RADIL: variants seen among roughly 807,000 people sequenced by gnomAD.
RADIL encodes the protein ras-associating and dilute domain-containing protein.
Under a neutral mutation model 97.6 loss-of-function variants are expected in RADIL, and 99 were observed. The ratio of observed to expected loss-of-function variants is 1.01; its 90% confidence interval spans 0.86 to 1.20. RADIL has a LOEUF of 1.20. Ranked by LOEUF, RADIL falls within the 50% of genes most tolerant of loss-of-function variation. The probability of loss-of-function intolerance (pLI) is 0.00; values close to 1 mark genes in which losing one functional copy is unlikely to be tolerated. For synonymous variants in RADIL, 803 were observed against 691.8 expected (o/e 1.16, Z -2.52); for missense variants, 1,765 against 1,498.9 (o/e 1.18, Z -2.93).
intron 2 of RADIL, among the ~76,000 whole-genome samples, chr7:4,870,473 G>A (rs1041133317): frequency 8.6e-5 from 13 of 152,012 alleles, no homozygotes; most frequent in Admixed American, 6.5e-5. Context: ...ATGGAGTCTC[G>A]CTCTCTTGCC....
chr7:4,834,947 G>A lies in RADIL; in HGVS notation c.1076C>T (p.Ala359Val), dbSNP rs748222975. 4 of 1,603,180 alleles carry A rather than the reference G, an allele frequency of 2.5e-6. No individual in the cohort carries two copies. The highest frequency in any genetic ancestry group is 3.4e-6 in the Non-Finnish European group (4 of 1,175,596). The change falls in exon 4 of 15, where the codon GCG (alanine) becomes GTG (valine). Residue 359 changes from alanine to valine, a missense_variant. Ala to Val is a moderately conservative substitution (Grantham distance 64). Coordinates refer to ENST00000399583, the MANE Select transcript of RADIL (RefSeq NM_018059.5). The surrounding 1 kb of genome is among the most constrained non-coding windows in gnomAD (Gnocchi z 6.0). ...LYYLLLFKDP[A>V]QAQPLPARAL... ...CCGGGCGGGCAGGGGCTGGGCCTGC[G>A]CGGGGTCCTTGAATAGCAGCAGGTA...
At chr7:4,807,966 CT>C (rs1782388820) in intron 9 of RADIL, among the ~76,000 whole-genome samples, 1 of 67,524 alleles carries the variant, frequency 1.5e-5, no homozygotes, top group African/African-American at 1.3e-4. Flanking sequence ...TGTCTCTCTC[CT>C]CTCCCTCCTC....
At position 4,815,054 on chromosome 7, in the gene RADIL, G is replaced by A. The variant is rs1696790695; in HGVS notation, c.2139+224C>T. On this transcript the variant is annotated intron_variant, in intron 9 of 14. Coordinates refer to ENST00000399583, the MANE Select transcript of RADIL (RefSeq NM_018059.5). The surrounding 1 kb of genome is among the most constrained non-coding windows in gnomAD (Gnocchi z 8.0). ...GCCATGTGGGGTAATACGGTCACAG[G>A]GTAAGACGGTCACGGGTCTCAGACA... Among the ~76,000 whole-genome samples, 1 of 152,178 alleles carries A rather than the reference G, an allele frequency of 6.6e-6. No individual in the cohort carries two copies. Among genetic ancestry groups the A allele is most frequent in the African/African-American group, 2.4e-5 (1 of 41,428 alleles).
chr7:4,832,986 G>C (rs1285709383), intron 4 of RADIL, among the ~76,000 whole-genome samples: 5 of 152,298 alleles, frequency 3.3e-5, no homozygotes, highest in African/African-American at 1.2e-4. Context: ...GGGGGAAGAG[G>C]TGGACTCAGG....
At chr7:4,829,039 C>T (rs1783070893) in intron 5 of RADIL, among the ~76,000 whole-genome samples, 1 of 152,332 alleles carries the variant, frequency 6.6e-6, no homozygotes, top group Admixed American at 6.5e-5. Context: ...ACTAGAACTC[C>T]AGCTGTCCTG....
intron 2 of RADIL, among the ~76,000 whole-genome samples, chr7:4,844,081 T>A (rs1261358280): frequency 6.6e-6 from 1 of 152,004 alleles, no homozygotes; most frequent in East Asian, 1.9e-4. Context: ...TGTAACCACT[T>A]CTCTTCAAAT....
chr7:4,839,162 G>GT (rs1562445394), intron 2 of RADIL, among the ~76,000 whole-genome samples: 1 of 152,180 alleles, frequency 6.6e-6, no homozygotes, highest in East Asian at 1.9e-4. Flanking sequence ...CGTTGGCTCA[G>GT]TTTTTTTTAA....
At position 4,834,578 on chromosome 7, in the gene RADIL, A is replaced by G; in HGVS notation, c.1416+29T>C. The G allele has an allele frequency of 7.6e-7, 1 of 1,313,586 alleles. No homozygotes were observed. Among genetic ancestry groups the G allele is most frequent in the South Asian group, 3.1e-5 (1 of 32,678 alleles). 81.4% of individuals were successfully genotyped at this position (1,313,586 alleles called of 1,614,324 possible). A position where few individuals can be genotyped will look rare whatever the true frequency, so the allele number is the denominator to read the frequency against. ...CCCTCTTCCCCCAGACCGGCACAGG[A>G]CCCAGACCGCCCACCCCAGCACACT... On this transcript the variant is annotated intron_variant, in intron 4 of 14. Coordinates refer to ENST00000399583, the MANE Select transcript of RADIL (RefSeq NM_018059.5). The surrounding 1 kb of genome is among the most constrained non-coding windows in gnomAD (Gnocchi z 6.0).
At chr7:4,843,911 CA>C (rs36122253) in intron 2 of RADIL, among the ~76,000 whole-genome samples, 3,752 of 97,648 alleles carry the variant, frequency 0.038, 94 homozygotes, top group African/African-American at 0.13. Context: ...GACTCCATTT[CA>C]AAAAAAAAAA....
rs546511408 is a variant in RADIL, at chr7:4,831,020, C to CAA, written c.1454+1119_1454+1120dup. Among the ~76,000 whole-genome samples, 68 of 123,724 alleles carry CAA rather than the reference C, an allele frequency of 5.5e-4. 1 individual carries two copies. The highest frequency in any genetic ancestry group is 1.9e-3 in the African/African-American group (66 of 34,366). 81.2% of individuals were successfully genotyped at this position (123,724 alleles called of 152,430 possible). On this transcript the variant is annotated intron_variant, in intron 5 of 14. Coordinates refer to ENST00000399583, the MANE Select transcript of RADIL (RefSeq NM_018059.5). The stretch of plus-strand genomic sequence containing the variant: ...TGGGCGACAGAGCGAGATGCCGTTT[C>CAA]AAAAAAAAAAAAAATACAAAATCAG...
In RADIL at chr7:4,799,707, C is replaced by T. The variant is rs201509520; in HGVS notation, c.3045G>A (p.Ala1015=). ...CCCCCAGCGACAGGCGCCCGTCGGC[C>T]GCTGCGGGGCTGCCCGGGAGCAGGG... ...IQTLLPGSPA[A]ADGRLSLGDR... is the part of the protein sequence containing the mutation. The change falls in exon 14 of 15, where the codon GCG becomes GCA. Residue 1015 remains alanine (A), a synonymous_variant. Transcript: ENST00000399583. 48 of 1,572,556 alleles carry T rather than the reference C, an allele frequency of 3.1e-5. No individual in the cohort carries two copies. The highest frequency in any genetic ancestry group is 5.6e-5 in the Admixed American group (3 of 53,688).
chr7:4,880,017 G>C lies in RADIL; in HGVS notation c.-64-1814C>G, dbSNP rs557055430. The stretch of plus-strand genomic sequence containing the variant: ...ACACCAGAGACTGGGTTCCCAACGC[G>C]GACGTCTGCCCTGCGGGGTGGGTGG... On this transcript the variant is annotated intron_variant, in intron 1 of 14. Transcript: ENST00000399583. This position sits in a 1 kb window ranked among gnomAD's most constrained non-coding sequence, Gnocchi z 4.5. 1.3e-5 allele frequency among the ~76,000 whole-genome samples: 2 copies of C among 152,152 alleles called. No homozygotes were observed. Among genetic ancestry groups the C allele is most frequent in the South Asian group, 2.1e-4 (1 of 4,832 alleles).
In RADIL at chr7:4,867,478, G is replaced by A. The variant is rs774749958; in HGVS notation, c.535+10127C>T. Among the ~76,000 whole-genome samples the A allele has an allele frequency of 2.6e-5, 4 of 152,164 alleles. No individual in the cohort carries two copies. The highest frequency in any genetic ancestry group is 6.5e-5 in the Admixed American group (1 of 15,278). On this transcript the variant is annotated intron_variant, in intron 2 of 14. Coordinates refer to ENST00000399583, the MANE Select transcript of RADIL (RefSeq NM_018059.5). The surrounding 1 kb of genome is among the most constrained non-coding windows in gnomAD (Gnocchi z 4.1). ...TGAGCTGACTAGAGCACCATGGGTA[G>A]GTGTCAAAAACATAATGTGAGGCCA...
Position 4,854,745 on chromosome 7 carries a change from TTAATTA to T in RADIL, c.536-18146_536-18141del, listed in dbSNP as rs2115024938. ...AAGATACCACTTTGGTATTGGTTGT[TTAATTA>T]TATTTCACACATATGAAAGCATTTG... is the stretch of plus-strand genomic sequence containing the variant. On this transcript the variant is annotated intron_variant, in intron 2 of 14. Coordinates refer to ENST00000399583, the MANE Select transcript of RADIL (RefSeq NM_018059.5). The surrounding 1 kb of genome is among the most constrained non-coding windows in gnomAD (Gnocchi z 5.1). Among the ~76,000 whole-genome samples, 1 of 152,258 alleles carries T rather than the reference TTAATTA, an allele frequency of 6.6e-6. No homozygotes were observed. The highest frequency in any genetic ancestry group is 2.1e-4 in the South Asian group (1 of 4,820).
At position 4,878,544 on chromosome 7, in the gene RADIL, T is replaced by G. The variant is rs1219338701; in HGVS notation, c.-64-341A>C. 6.6e-6 allele frequency among the ~76,000 whole-genome samples: 1 copy of G among 152,020 alleles called. No homozygotes were observed. The highest frequency in any genetic ancestry group is 1.5e-5 in the Non-Finnish European group (1 of 68,020). ...AGCAGAGCAAGACCCCATCTCAAAA[T>G]CTAATGGACATAACAGGCCGTGGGC... On this transcript the variant is annotated intron_variant, in intron 1 of 14. Transcript: ENST00000399583. This position sits in a 1 kb window ranked among gnomAD's most constrained non-coding sequence, Gnocchi z 4.1.
intron 4 of RADIL, among the ~76,000 whole-genome samples, chr7:4,833,412 G>A (rs1018489896): frequency 4.6e-5 from 7 of 152,090 alleles, no homozygotes; most frequent in African/African-American, 1.7e-4. Flanking sequence ...ACATCACCTG[G>A]CCCTGTGTCC....
In RADIL at chr7:4,867,176, G is replaced by A. The variant is rs2115040802; in HGVS notation, c.535+10429C>T. Among the ~76,000 whole-genome samples, 1 of 152,238 alleles carries A rather than the reference G, an allele frequency of 6.6e-6. No individual in the cohort carries two copies. The highest frequency in any genetic ancestry group is 3.4e-3 in the Middle Eastern group (1 of 294). ...TGGCAACAAGAAATGGACTAAAGCAGAGCCTAAAGGTGTTGAGGGGCACAC... is the reference window on the plus strand; with the variant it reads ...TGGCAACAAGAAATGGACTAAAGCAAAGCCTAAAGGTGTTGAGGGGCACAC... On this transcript the variant is annotated intron_variant, in intron 2 of 14. Transcript: ENST00000399583. The surrounding 1 kb of genome is among the most constrained non-coding windows in gnomAD (Gnocchi z 4.1).
At chr7:4,865,707 T>G (rs1468599493) in intron 2 of RADIL, 8 of 1,021,550 alleles carry the variant, frequency 7.8e-6, no homozygotes, top group Non-Finnish European at 1.1e-5. Context: ...CATCTGTGAT[T>G]CCATCTTCTA....
chr7:4,840,945 T>C lies in RADIL; in HGVS notation c.536-4340A>G, dbSNP rs1157078628. ...TCGCACCACTGCACTCCAGCCTGGG[T>C]GACAGAGCGAGACTCCGTCTCAAAA... On this transcript the variant is annotated intron_variant, in intron 2 of 14. Coordinates refer to ENST00000399583, the MANE Select transcript of RADIL (RefSeq NM_018059.5). This position sits in a 1 kb window ranked among gnomAD's most constrained non-coding sequence, Gnocchi z 5.6. Among the ~76,000 whole-genome samples, 1 of 152,134 alleles carries C rather than the reference T, an allele frequency of 6.6e-6. No homozygotes were observed. Among genetic ancestry groups the C allele is most frequent in the African/African-American group, 2.4e-5 (1 of 41,436 alleles).
Sources: allele counts gnomAD v4.1 joint callset (sites outside exome capture counted in the v4.1 genomes callset), GRCh38; gene constraint gnomAD v4.1.1; non-coding constraint Gnocchi (gnomAD v3.1); transcripts MANE v1.5; gene names NCBI Gene and HGNC (gene_info 2026-07-23, HGNC 2026-07-21).